Variants in CACNG7 observed in about 807,000 individuals in gnomAD.
CACNG7 encodes voltage-dependent calcium channel gamma-7 subunit.
Under a neutral mutation model 26.3 loss-of-function variants are expected in CACNG7, and 9 were observed. The ratio of observed to expected loss-of-function variants is 0.34; its 90% CI spans 0.21 to 0.60. The LOEUF is 0.60. Ranked by LOEUF, CACNG7 falls within the 20% of genes least tolerant of loss-of-function variation. CACNG7 has a pLI of 0.81. For missense variants in CACNG7, 297 were observed against 380.4 expected (o/e 0.78, Z 1.82); for synonymous variants, 170 against 157.0 (o/e 1.08, Z -0.62).
intron 4 of CACNG7, among the ~76,000 whole-genome samples, chr19:53,916,397 T>C (rs1234995710): frequency 1.3e-5 from 2 of 151,338 alleles, no homozygotes; most frequent in Non-Finnish European, 2.9e-5. Context: ...AGGCCCAGAA[T>C]TGCATAGAGA....
chr19:53,915,133 G>A (rs542101694), intron 3 of CACNG7, among the ~76,000 whole-genome samples: 1 of 152,158 alleles, frequency 6.6e-6, no homozygotes, highest in South Asian at 2.1e-4. Flanking sequence ...TCAGAAAGGG[G>A]GCGGAGTTAA....
chr19:53,920,438 G>A (rs2068934553), intron 4 of CACNG7, among the ~76,000 whole-genome samples: 1 of 83,192 alleles, frequency 1.2e-5, no homozygotes, highest in Non-Finnish European at 2.2e-5. Context: ...CTTGCCCCAG[G>A]CCGGTCATTG....
rs761942078 is a variant in CACNG7, at chr19:53,915,376, A to G, written c.295A>G (p.Thr99Ala). 3.1e-6 allele frequency: 5 copies of G among 1,612,304 alleles called. No individual in the cohort carries two copies. The South Asian group carries it at 5.5e-5, about 18-fold the overall frequency. ...NTENILKTVRTATPFPMVSLF... is the reference protein window; with the variant it reads ...NTENILKTVRAATPFPMVSLF... ...CATCCCCTCCCCAGAGACAGTGCGC[A>G]CGGCCACCCCCTTCCCCATGGTCAG... Residue 99 changes from threonine (T) to alanine (A), a missense_variant, in exon 4 of 6, where the codon ACG (threonine) becomes GCG (alanine). Coordinates refer to ENST00000391767, the MANE Select transcript of CACNG7 (RefSeq NM_031896.5).
At chr19:53,927,039 CCTCCCA>C (rs2069036276) in intron 4 of CACNG7, among the ~76,000 whole-genome samples, 1 of 152,056 alleles carries the variant, frequency 6.6e-6, no homozygotes, top group South Asian at 2.1e-4. Flanking sequence ...CCTGCCTTAG[CCTCCCA>C]TGTAGCTGGG....
intron 4 of CACNG7, among the ~76,000 whole-genome samples, chr19:53,923,422 T>TCTGGTATTGGTGGAGTTTTCCCCAGGC (rs2068983818): frequency 4.2e-5 from 5 of 120,326 alleles, no homozygotes; most frequent in Non-Finnish European, 5.1e-5. Flanking sequence ...TGTCCCCAGG[T>TCTGGTATTGGTGGAGTTTTCCCCAGGC]CTGGTATTGG....
intron 4 of CACNG7, among the ~76,000 whole-genome samples, chr19:53,923,705 A>C (rs1331846544): frequency 1.7e-5 from 2 of 119,314 alleles, no homozygotes; most frequent in Non-Finnish European, 3.3e-5. Context: ...TCATTGGTGG[A>C]GTTGTCCCAG....
intron 4 of CACNG7, among the ~76,000 whole-genome samples, chr19:53,935,290 T>C (rs191591975): frequency 6.8e-4 from 104 of 152,134 alleles, no homozygotes; most frequent in African/African-American, 2.2e-3. Flanking sequence ...TATCTAGTCC[T>C]ACATTTAAAT....
chr19:53,929,263 TGAGAGAGAGAGAGG>T (rs150326127), intron 4 of CACNG7, among the ~76,000 whole-genome samples: 13,365 of 150,442 alleles, frequency 0.089, 1,927 homozygotes, highest in African/African-American at 0.3. Flanking sequence ...CCCTGATGGA[TGAGAGAGAGAGAGG>T]GAGAGAGAGA....
At chr19:53,920,357 G>A (rs1453584894) in intron 4 of CACNG7, among the ~76,000 whole-genome samples, 1 of 114,948 alleles carries the variant, frequency 8.7e-6, no homozygotes, top group Non-Finnish European at 1.7e-5. Flanking sequence ...GTTTCCCCAG[G>A]TCTGGTCATT....
At chr19:53,910,837 C>A (rs1317981602) in intron 1 of CACNG7, among the ~76,000 whole-genome samples, 4 of 152,068 alleles carry the variant, frequency 2.6e-5, no homozygotes, top group African/African-American at 9.7e-5. Flanking sequence ...GGACTCCATG[C>A]TGGATGTTGA....
At chr19:53,921,052 CT>C (rs1465182701) in intron 4 of CACNG7, among the ~76,000 whole-genome samples, 1 of 80,866 alleles carries the variant, frequency 1.2e-5, no homozygotes, top group Admixed American at 1.1e-4. Context: ...TGCCCCAGGC[CT>C]GGTCATTGGT....
intron 4 of CACNG7, among the ~76,000 whole-genome samples, chr19:53,924,772 T>C (rs1360094041): frequency 7.7e-6 from 1 of 129,568 alleles, no homozygotes; most frequent in African/African-American, 3.1e-5. Context: ...CTAGGGCTGG[T>C]CATTGGTGGA....
At chr19:53,923,073 C>T (rs1314589523) in intron 4 of CACNG7, among the ~76,000 whole-genome samples, 22 of 113,926 alleles carry the variant, frequency 1.9e-4, no homozygotes, top group East Asian at 2.7e-4. Flanking sequence ...TGTCCCCAGG[C>T]CTGGTCATTG....
At chr19:53,931,413 G>A (rs182642558) in intron 4 of CACNG7, among the ~76,000 whole-genome samples, 11 of 151,278 alleles carry the variant, frequency 7.3e-5, no homozygotes, top group Non-Finnish European at 1.5e-4. Context: ...TTGGCTGGGC[G>A]CAGTGGCTCA....
Position 53,939,173 on chromosome 19 carries a change from G to A in CACNG7, c.425-2297G>A, listed in dbSNP as rs957453544. Among the ~76,000 whole-genome samples the A allele has an allele frequency of 2.0e-5, 3 of 151,926 alleles. No homozygotes were observed. Among genetic ancestry groups the A allele is most frequent in the African/African-American group, 4.8e-5 (2 of 41,346 alleles). On this transcript the variant is annotated intron_variant, in intron 4 of 5. Coordinates refer to ENST00000391767, the MANE Select transcript of CACNG7 (RefSeq NM_031896.5). The surrounding 1 kb of genome is among the most constrained non-coding windows in gnomAD (Gnocchi z 4.2). ...CGCAGGAGGCTGAGGCAGGAGAATCGCTTGAGTCCAGGAGGCAGAGGTTGC... is the reference window on the plus strand; with the variant it reads ...CGCAGGAGGCTGAGGCAGGAGAATCACTTGAGTCCAGGAGGCAGAGGTTGC...
At chr19:53,921,766 T>TGCCCCAG (rs2068956944) in intron 4 of CACNG7, among the ~76,000 whole-genome samples, 2 of 100,498 alleles carry the variant, frequency 2.0e-5, no homozygotes, top group Non-Finnish European at 3.8e-5. Flanking sequence ...TTGGTGGAGT[T>TGCCCCAG]GTCCCAGGTC....
intron 4 of CACNG7, among the ~76,000 whole-genome samples, chr19:53,924,809 C>G (rs7253191): frequency 0.031 from 3,004 of 97,706 alleles, 200 homozygotes; most frequent in African/African-American, 0.12. Context: ...CATTGGTGGA[C>G]TTGCCCCAGG....
intron 4 of CACNG7, 22 bp downstream of exon 4, chr19:53,915,527 T>C: frequency 1.2e-6 from 2 of 1,612,728 alleles, no homozygotes; most frequent in Non-Finnish European, 1.7e-6. Flanking sequence ...GACTTGGGGG[T>C]TGGGGGGGAC....
chr19:53,939,779 T>G lies in CACNG7; in HGVS notation c.425-1691T>G, dbSNP rs76622847. Among the ~76,000 whole-genome samples the G allele has an allele frequency of 0.011, 1,694 of 152,310 alleles. 43 individuals are homozygous for G. Among genetic ancestry groups the G allele is most frequent in the African/African-American group, 0.039 (1,627 of 41,552 alleles). On this transcript the variant is annotated intron_variant, in intron 4 of 5. Transcript: ENST00000391767. The surrounding 1 kb of genome is among the most constrained non-coding windows in gnomAD (Gnocchi z 4.2). ...GTATGAACATATGTTTCCACTTCTC[T>G]TGGGGACATACCTAGGAGTGGAATT...
Sources: allele counts gnomAD v4.1 joint callset (sites outside exome capture counted in the v4.1 genomes callset), GRCh38; gene constraint gnomAD v4.1.1; non-coding constraint Gnocchi (gnomAD v3.1); transcripts MANE v1.5; gene names NCBI Gene and HGNC (gene_info 2026-07-23, HGNC 2026-07-21).